The following C7orf78 variants were observed in gnomAD, a reference collection of about 807,000 sequenced individuals.
C7orf78 encodes putative uncharacterized protein C7orf78.
At chr7:12,504,529 A>C in the C7orf78 span, 4 of 152,320 alleles carry the variant, frequency 2.6e-5, 1 homozygote, top group East Asian at 7.7e-4. Context: ...ACTTTTATGA[A>C]AAGCTATCTT....
chr7:12,500,670 A>G, the C7orf78 span, among the ~76,000 whole-genome samples: 15 of 152,142 alleles, frequency 9.9e-5, no homozygotes, highest in African/African-American at 3.4e-4. Context: ...AATTGGTACA[A>G]TTCCTTCTGA....
the C7orf78 span, among the ~76,000 whole-genome samples, chr7:12,519,864 G>T: frequency 6.6e-6 from 1 of 152,208 alleles, no homozygotes; most frequent in Non-Finnish European, 1.5e-5. Context: ...GACAGCTGTT[G>T]TTCCCAGAGC....
the C7orf78 span, among the ~76,000 whole-genome samples, chr7:12,516,416 G>A: frequency 6.6e-6 from 1 of 152,238 alleles, no homozygotes; most frequent in Non-Finnish European, 1.5e-5. Context: ...CAGGAGCGGG[G>A]CACTCATGGA....
the C7orf78 span, chr7:12,483,521 T>C: frequency 1.3e-5 from 2 of 152,096 alleles, no homozygotes; most frequent in Non-Finnish European, 2.9e-5. Flanking sequence ...ATAAACGGTG[T>C]TGATGTTTTA....
At chr7:12,541,669 A>AAAAAG in the C7orf78 span, 3 of 151,978 alleles carry the variant, frequency 2.0e-5, no homozygotes, top group Admixed American at 1.3e-4. Flanking sequence ...AAAAAAGAAG[A>AAAAAG]AAAAGAAAAG....
the C7orf78 span, among the ~76,000 whole-genome samples, chr7:12,484,689 G>A: frequency 1.6e-3 from 247 of 152,210 alleles, no homozygotes; most frequent in African/African-American, 5.6e-3. Flanking sequence ...TACATCTGGA[G>A]GTGGGCTACA....
At chr7:12,503,578 T>C in the C7orf78 span, among the ~76,000 whole-genome samples, 2 of 152,036 alleles carry the variant, frequency 1.3e-5, no homozygotes, top group Non-Finnish European at 2.9e-5. Context: ...TTACACAATG[T>C]CTACTTTTGT....
At chr7:12,495,130 A>G in the C7orf78 span, among the ~76,000 whole-genome samples, 3 of 152,170 alleles carry the variant, frequency 2.0e-5, no homozygotes, top group Admixed American at 2.0e-4. Flanking sequence ...TGTCCAACAG[A>G]GTGTCCTGGG....
At chr7:12,503,322 T>C in the C7orf78 span, among the ~76,000 whole-genome samples, 1 of 152,074 alleles carries the variant, frequency 6.6e-6, no homozygotes, top group South Asian at 2.1e-4. Flanking sequence ...ATTGTGGATA[T>C]TCAATAATAC....
the C7orf78 span, among the ~76,000 whole-genome samples, chr7:12,525,584 T>C: frequency 6.6e-6 from 1 of 152,116 alleles, no homozygotes. Context: ...CACAAAAGGG[T>C]AATTGAAGTA....
At chr7:12,531,407 G>A in the C7orf78 span, among the ~76,000 whole-genome samples, 4 of 152,256 alleles carry the variant, frequency 2.6e-5, no homozygotes, top group East Asian at 5.8e-4. Flanking sequence ...GATTAATGTA[G>A]TAGAGTTTGG....
the C7orf78 span, among the ~76,000 whole-genome samples, chr7:12,493,569 G>A: frequency 6.6e-6 from 1 of 152,116 alleles, no homozygotes; most frequent in Non-Finnish European, 1.5e-5. Flanking sequence ...TCATGCTCTT[G>A]GTCTGGGGCC....
the C7orf78 span, among the ~76,000 whole-genome samples, chr7:12,503,509 A>G: frequency 6.6e-6 from 1 of 152,074 alleles, no homozygotes; most frequent in Non-Finnish European, 1.5e-5. Flanking sequence ...AGTGTGTGAA[A>G]TAAGATTAGC....
At chr7:12,525,802 T>C in the C7orf78 span, 1 of 396,782 alleles carries the variant, frequency 2.5e-6, no homozygotes, top group East Asian at 3.6e-5. Flanking sequence ...TATTGCAATC[T>C]TTCCTTTACA....
At chr7:12,517,836 T>C in the C7orf78 span, among the ~76,000 whole-genome samples, 1 of 152,226 alleles carries the variant, frequency 6.6e-6, no homozygotes, top group East Asian at 1.9e-4. Context: ...TGTATCTTGC[T>C]GAGCTCCTTT....
the C7orf78 span, among the ~76,000 whole-genome samples, chr7:12,508,295 A>T: frequency 1.3e-5 from 2 of 152,174 alleles, no homozygotes; most frequent in Non-Finnish European, 2.9e-5. Context: ...AAGTAACTAA[A>T]ACTGAAAACT....
At chr7:12,486,066 A>C in the C7orf78 span, among the ~76,000 whole-genome samples, 4 of 152,108 alleles carry the variant, frequency 2.6e-5, no homozygotes, top group African/African-American at 9.7e-5. Context: ...CTAAATTTTC[A>C]TGTTTTTCTT....
the C7orf78 span, among the ~76,000 whole-genome samples, chr7:12,516,461 G>T: frequency 9.2e-5 from 14 of 152,228 alleles, no homozygotes; most frequent in Admixed American, 6.5e-5. Flanking sequence ...AGGGTAATGT[G>T]CTGTGGGAGG....
chr7:12,522,451 T>G, the C7orf78 span, among the ~76,000 whole-genome samples: 1 of 152,144 alleles, frequency 6.6e-6, no homozygotes, highest in African/African-American at 2.4e-5. Context: ...TCATGATGGT[T>G]TAGGCAGCCA....
Sources: allele counts gnomAD v4.1 joint callset (sites outside exome capture counted in the v4.1 genomes callset), GRCh38; gene constraint gnomAD v4.1.1; transcripts MANE v1.5; gene names NCBI Gene and HGNC (gene_info 2026-07-23, HGNC 2026-07-21).